ZC3H12B: variants seen among roughly 807,000 people sequenced by gnomAD.
ZC3H12B encodes zinc finger CCCH-type containing 12B.
ZC3H12B carries 7 observed loss-of-function variants against 43.9 expected under a neutral mutation model. The observed-to-expected ratio is 0.16, with a 90% CI of 0.09 to 0.30. The LOEUF (loss-of-function observed/expected upper bound fraction) is 0.30. ZC3H12B is among the 10% of genes least tolerant of loss of function. The probability of loss-of-function intolerance (pLI) is 1.00; values close to 1 mark genes in which losing one functional copy is unlikely to be tolerated. For synonymous variants in ZC3H12B, 222 were observed against 241.7 expected (o/e 0.92, Z 0.76); for missense variants, 475 against 670.2 (o/e 0.71, Z 3.22).
the ZC3H12B span, among the ~76,000 whole-genome samples, chrX:65,218,682 C>A: frequency 1.8e-5 from 2 of 111,166 alleles, no homozygotes; most frequent in African/African-American, 3.3e-5. Flanking sequence ...CAAGCAGAGT[C>A]TGATCTGAGA....
chrX:65,086,095 A>T, the ZC3H12B span, among the ~76,000 whole-genome samples: 7 of 105,214 alleles, frequency 6.7e-5, no homozygotes, highest in Non-Finnish European at 1.4e-4. Flanking sequence ...CATGTGTTAC[A>T]TTTATCTGTC....
intron 3 of ZC3H12B, among the ~76,000 whole-genome samples, chrX:65,462,405 G>A (rs1045349778): frequency 2.7e-5 from 3 of 110,805 alleles, no homozygotes; most frequent in African/African-American, 6.6e-5. Flanking sequence ...CTAGCTACTC[G>A]GGAGGCTGAG....
intron 3 of ZC3H12B, among the ~76,000 whole-genome samples, chrX:65,461,817 C>T (rs957974001): frequency 2.7e-5 from 3 of 109,542 alleles, no homozygotes; most frequent in South Asian, 3.9e-4. Context: ...CAAACCTGCA[C>T]GTTGTGCACA....
chrX:65,407,844 C>T (rs2066852725), intron 3 of ZC3H12B, among the ~76,000 whole-genome samples: 2 of 113,363 alleles, frequency 1.8e-5, no homozygotes, highest in Non-Finnish European at 1.9e-5. Context: ...GCAGCTGGGC[C>T]TGGGGCGCCC....
At chrX:65,226,860 A>G in the ZC3H12B span, among the ~76,000 whole-genome samples, 1 of 111,696 alleles carries the variant, frequency 9.0e-6, no homozygotes, top group Non-Finnish European at 1.9e-5. Context: ...CACCCAAAAC[A>G]GGAGCATCCA....
the ZC3H12B span, among the ~76,000 whole-genome samples, chrX:65,068,566 T>G: frequency 1.8e-5 from 2 of 112,274 alleles, no homozygotes; most frequent in Non-Finnish European, 3.8e-5. Flanking sequence ...GATATCTTAT[T>G]GTACTGTCCG....
At chrX:65,042,120 A>C in the ZC3H12B span, among the ~76,000 whole-genome samples, 1 of 112,651 alleles carries the variant, frequency 8.9e-6, no homozygotes, top group African/African-American at 3.2e-5. Flanking sequence ...TGTGTAACTC[A>C]TTGCTCTTTA....
chrX:65,101,231 G>A, the ZC3H12B span, among the ~76,000 whole-genome samples: 1 of 111,999 alleles, frequency 8.9e-6, no homozygotes, highest in Non-Finnish European at 1.9e-5. Context: ...GAATCTCTGG[G>A]ATACAGCTAA....
the ZC3H12B span, among the ~76,000 whole-genome samples, chrX:65,316,283 C>G: frequency 1.8e-5 from 2 of 111,837 alleles, no homozygotes; most frequent in Admixed American, 9.5e-5. Flanking sequence ...CTTTCCCAAT[C>G]TCACTAAAGA....
At chrX:65,369,329 G>A (rs1055285944) in intron 2 of ZC3H12B, among the ~76,000 whole-genome samples, 1 of 111,696 alleles carries the variant, frequency 9.0e-6, no homozygotes, top group Non-Finnish European at 1.9e-5. Context: ...AATCCTCATA[G>A]CAATCCTATG....
At chrX:65,490,316 G>A (rs748158293) in intron 1 of ZC3H12B, among the ~76,000 whole-genome samples, 42 of 101,645 alleles carry the variant, frequency 4.1e-4, no homozygotes, top group African/African-American at 1.5e-3. Flanking sequence ...ATGGAGTGAC[G>A]TAAGAAAGGG....
the ZC3H12B span, among the ~76,000 whole-genome samples, chrX:65,042,866 C>G: frequency 8.9e-6 from 1 of 111,881 alleles, no homozygotes; most frequent in Admixed American, 9.5e-5. Context: ...GAATTTTCCT[C>G]CCTCTTTCTC....
chrX:65,065,684 G>A, the ZC3H12B span, among the ~76,000 whole-genome samples: 66 of 111,347 alleles, frequency 5.9e-4, no homozygotes, highest in Middle Eastern at 0.019. Flanking sequence ...CTGAATGTTC[G>A]CCTGTCTTGC....
chrX:65,199,777 AT>A, the ZC3H12B span, among the ~76,000 whole-genome samples: 12,932 of 92,338 alleles, frequency 0.14, 2,076 homozygotes, highest in African/African-American at 0.45. Context: ...ACATGATCTC[AT>A]TTTTTTTTTT....
the ZC3H12B span, among the ~76,000 whole-genome samples, chrX:65,135,967 G>A: frequency 1.8e-5 from 2 of 110,749 alleles, no homozygotes; most frequent in Non-Finnish European, 3.8e-5. Flanking sequence ...GTTTACTGAA[G>A]CATTTCTATT....
the ZC3H12B span, among the ~76,000 whole-genome samples, chrX:65,147,604 G>T: frequency 3.2e-4 from 36 of 111,582 alleles, no homozygotes; most frequent in African/African-American, 1.2e-3. Context: ...ATCCATGTTT[G>T]TTGGCCTAGT....
chrX:65,116,435 G>A, the ZC3H12B span, among the ~76,000 whole-genome samples: 1 of 111,327 alleles, frequency 9.0e-6, no homozygotes, highest in South Asian at 3.7e-4. Flanking sequence ...ATACCATGTT[G>A]TTTTGGTGAC....
chrX:65,410,919 A>C (rs1298293024), intron 3 of ZC3H12B, among the ~76,000 whole-genome samples: 1 of 112,350 alleles, frequency 8.9e-6, no homozygotes, highest in African/African-American at 3.2e-5. Context: ...AATACTAAAA[A>C]TAGAGCTATT....
intron 1 of ZC3H12B, among the ~76,000 whole-genome samples, chrX:65,493,011 G>C (rs1212592606): frequency 9.0e-6 from 1 of 111,280 alleles, no homozygotes; most frequent in Non-Finnish European, 1.9e-5. Flanking sequence ...GCTGAGGTGG[G>C]AGAATCGCTT....
Sources: gnomAD v4.1 joint callset for allele counts (sites outside exome capture counted in the v4.1 genomes callset) on GRCh38, gnomAD v4.1.1 for gene constraint, MANE v1.5 for transcripts, NCBI Gene and HGNC (gene_info 2026-07-23, HGNC 2026-07-21) for gene names.